The following LMX1A variants were observed in gnomAD, a reference collection of about 807,000 sequenced individuals.
LMX1A encodes the protein LIM homeobox transcription factor 1 alpha, also known as LIM homeobox transcription factor 1-alpha.
A neutral mutation model predicts 49.1 loss-of-function variants in LMX1A; 15 were observed. The ratio of observed to expected loss-of-function variants is 0.31; its 90% CI spans 0.20 to 0.47. The LOEUF is 0.47. Ranked by LOEUF, LMX1A falls within the 20% of genes least tolerant of loss-of-function variation. LMX1A has a pLI of 1.00. For missense variants in LMX1A, 372 were observed against 475.8 expected (o/e 0.78, Z 2.03); for synonymous variants, 167 against 185.7 (o/e 0.90, Z 0.82).
At chr1:165,217,714 G>GA (rs1651693896) in intron 4 of LMX1A, among the ~76,000 whole-genome samples, 1 of 152,124 alleles carries the variant, frequency 6.6e-6, no homozygotes, top group Admixed American at 6.5e-5. Context: ...GCATTTGGTT[G>GA]AAAAAAATCC....
chr1:165,226,298 T>A (rs1353283243), intron 4 of LMX1A, among the ~76,000 whole-genome samples: 2 of 152,226 alleles, frequency 1.3e-5, no homozygotes, highest in African/African-American at 4.8e-5. Context: ...TTTACCTTCA[T>A]GCTTAAGGTG....
At chr1:165,329,790 T>C (rs905925378) in intron 3 of LMX1A, among the ~76,000 whole-genome samples, 1 of 152,176 alleles carries the variant, frequency 6.6e-6, no homozygotes, top group African/African-American at 2.4e-5. Flanking sequence ...ACTGTGGAAG[T>C]ATAAAATAAT....
chr1:165,288,321 C>T lies in LMX1A; in HGVS notation c.264-38681G>A, dbSNP rs552057529. ...AGAGATTAGGGGCAGAAAGGTGTCT[C>T]GGGATGAGAAAGTGTGGTCTGGAAG... On this transcript the variant is annotated intron_variant, in intron 3 of 8. Coordinates refer to ENST00000342310, the MANE Select transcript of LMX1A (RefSeq NM_177398.4). Among the ~76,000 whole-genome samples the T allele has an allele frequency of 2.7e-3, 407 of 152,232 alleles. 2 individuals carry two copies. The highest frequency in any genetic ancestry group is 9.0e-3 in the African/African-American group (373 of 41,532).
At chr1:165,340,233 C>T (rs1404180309) in intron 3 of LMX1A, among the ~76,000 whole-genome samples, 1 of 151,872 alleles carries the variant, frequency 6.6e-6, no homozygotes, top group South Asian at 2.1e-4. Flanking sequence ...CTCCCGAGTA[C>T]ATGGGACCAC....
chr1:165,231,846 G>A (rs1223073839), intron 4 of LMX1A, among the ~76,000 whole-genome samples: 1 of 152,068 alleles, frequency 6.6e-6, no homozygotes, highest in African/African-American at 2.4e-5. Context: ...AACACTCACA[G>A]GCAAGTTTAT....
At position 165,329,789 on chromosome 1, in the gene LMX1A, G is replaced by A. The variant is rs1373175676; in HGVS notation, c.263+23287C>T. ...TCTCAAAAAATCAAAAACTGTGGAA[G>A]TATAAAATAATTTATAGAGTTATAG... On this transcript the variant is annotated intron_variant, in intron 3 of 8. Transcript: ENST00000342310. Among the ~76,000 whole-genome samples, 5 of 152,124 alleles carry A rather than the reference G, an allele frequency of 3.3e-5. No individual in the cohort carries two copies. The South Asian group carries it at 6.2e-4, about 19-fold the overall frequency.
chr1:165,318,703 C>G (rs776225446), intron 3 of LMX1A, among the ~76,000 whole-genome samples: 23 of 152,074 alleles, frequency 1.5e-4, no homozygotes, highest in Non-Finnish European at 2.8e-4. Context: ...TTACCCTTCA[C>G]CTTTTGGCCC....
chr1:165,314,785 G>C (rs1655174236), intron 3 of LMX1A, among the ~76,000 whole-genome samples: 1 of 152,086 alleles, frequency 6.6e-6, no homozygotes, highest in South Asian at 2.1e-4. Context: ...ACAGTAGCCA[G>C]CATGTTGTCT....
In LMX1A at chr1:165,288,083, G is replaced by A. The variant is rs77076196; in HGVS notation, c.264-38443C>T. 3.9e-4 allele frequency among the ~76,000 whole-genome samples: 60 copies of A among 152,302 alleles called. No homozygotes were observed. The East Asian group carries it at 9.7e-3, about 25-fold the overall frequency. ...CCTCCAGGTCACTAGGCTGAAAACC[G>A]CTGTCATTTCTCCTGGAACAAATAT... On this transcript the variant is annotated intron_variant, in intron 3 of 8. Transcript: ENST00000342310.
At chr1:165,349,082 G>T (rs1219287123) in intron 3 of LMX1A, among the ~76,000 whole-genome samples, 1 of 152,188 alleles carries the variant, frequency 6.6e-6, no homozygotes, top group Admixed American at 6.5e-5. Flanking sequence ...CAATCCAAGC[G>T]ATCATGATAA....
intron 3 of LMX1A, among the ~76,000 whole-genome samples, chr1:165,290,594 GT>G (rs1654441289): frequency 6.6e-6 from 1 of 152,192 alleles, no homozygotes; most frequent in Non-Finnish European, 1.5e-5. Context: ...TGGACCTGAT[GT>G]CTTTGGGGAA....
intron 3 of LMX1A, among the ~76,000 whole-genome samples, chr1:165,333,039 T>C (rs1483904314): frequency 6.6e-6 from 1 of 152,236 alleles, no homozygotes; most frequent in Admixed American, 6.5e-5. Flanking sequence ...ACTTAGCCTC[T>C]TGGAGCCTCG....
intron 2 of LMX1A, 71 bp from the exon 3 acceptor site, chr1:165,353,333 C>T (rs781403354): frequency 1.9e-5 from 24 of 1,261,668 alleles, no homozygotes; most frequent in Non-Finnish European, 2.5e-5. Flanking sequence ...GGCCGGGACC[C>T]GCTCCTGATC....
At position 165,346,484 on chromosome 1, in the gene LMX1A, T is replaced by C. The variant is rs140660140; in HGVS notation, c.263+6592A>G. ...CATTAAATTCTAGCTAATCTGTGCA[T>C]GGCAGCAAGGCGACAAGCTCTACAG... On this transcript the variant is annotated intron_variant, in intron 3 of 8. Transcript: ENST00000342310. Among the ~76,000 whole-genome samples the C allele has an allele frequency of 3.0e-3, 454 of 152,372 alleles. 1 individual carries two copies. The highest frequency in any genetic ancestry group is 0.01 in the African/African-American group (424 of 41,592).
intron 3 of LMX1A, among the ~76,000 whole-genome samples, chr1:165,332,173 AT>A (rs1354823861): frequency 1.3e-5 from 2 of 152,192 alleles, no homozygotes; most frequent in African/African-American, 2.4e-5. Context: ...TTAAAATAAA[AT>A]TCTTTAAAAA....
intron 7 of LMX1A, among the ~76,000 whole-genome samples, 160 bp downstream of exon 7, chr1:165,207,903 C>T (rs1271196069): frequency 6.6e-6 from 1 of 152,174 alleles, no homozygotes; most frequent in Non-Finnish European, 1.5e-5. Flanking sequence ...ACAAGTTCCT[C>T]GTGGCTCAGT....
At position 165,208,054 on chromosome 1, in the gene LMX1A, C is replaced by T. The variant is rs774304455; in HGVS notation, c.817+9G>A. The T allele has an allele frequency of 4.3e-6, 7 of 1,613,262 alleles. No individual in the cohort carries two copies. The highest frequency in any genetic ancestry group is 3.3e-5 in the Admixed American group (2 of 59,978). On this transcript the variant is annotated intron_variant, in intron 7 of 8. Transcript: ENST00000342310. ...AGCCAGAACTGCCTGGGAGGAGGCA[C>T]CAGCTTACCAGAGCTCAGCCTCTGG...
chr1:165,244,918 G>A (rs1652789321), intron 4 of LMX1A, among the ~76,000 whole-genome samples: 1 of 151,864 alleles, frequency 6.6e-6, no homozygotes, highest in Non-Finnish European at 1.5e-5. Context: ...TTGGGAGGCT[G>A]CTTCAAGGCC....
intron 3 of LMX1A, among the ~76,000 whole-genome samples, chr1:165,348,836 G>A (rs1488103445): frequency 2.6e-5 from 4 of 152,170 alleles, no homozygotes; most frequent in Non-Finnish European, 4.4e-5. Flanking sequence ...GCCAATCAGC[G>A]GGTCCAAAGA....
Sources: gnomAD v4.1 joint callset for allele counts (sites outside exome capture counted in the v4.1 genomes callset) on GRCh38, gnomAD v4.1.1 for gene constraint, MANE v1.5 for transcripts, NCBI Gene and HGNC (gene_info 2026-07-23, HGNC 2026-07-21) for gene names.